The following CMIP variants were observed in gnomAD, a reference collection of about 807,000 sequenced individuals.
The protein encoded by CMIP is C-Maf-inducing protein.
CMIP carries 13 observed loss-of-function variants against 97.3 expected under a neutral mutation model. The observed-to-expected ratio is 0.13, with a 90% CI of 0.09 to 0.21. CMIP has a LOEUF of 0.21. Among genes scored for constraint, CMIP ranks in the 10% least tolerant of loss-of-function variants. The pLI is 1.00. For missense variants in CMIP, 847 were observed against 1,024.9 expected (o/e 0.83, Z 2.37); for synonymous variants, 538 against 436.3 (o/e 1.23, Z -2.91).
At chr16:81,599,001 C>A (rs918749523) in intron 1 of CMIP, among the ~76,000 whole-genome samples, 2 of 145,756 alleles carry the variant, frequency 1.4e-5, no homozygotes, top group African/African-American at 5.2e-5. Flanking sequence ...GAGTAGTAAC[C>A]TTTTGAGGGC....
Position 81,709,936 on chromosome 16 carries a change from GA to G in CMIP, c.*138del. On this transcript the variant is annotated 3_prime_UTR_variant, in exon 21 of 21. Coordinates refer to ENST00000537098, the MANE Select transcript of CMIP (RefSeq NM_198390.3). Reference sequence around the variant, plus strand: ...TAGATGGGGAGTCTTTCTGGGGGCGGAGGGGGGAGGGGGTGGGGAGGGGGCC... The same window carrying G: ...TAGATGGGGAGTCTTTCTGGGGGCGGGGGGGGAGGGGGTGGGGAGGGGGCC... 1.6e-6 allele frequency: 1 copy of G among 617,460 alleles called. No homozygotes were observed. The highest frequency in any genetic ancestry group is 2.9e-6 in the Non-Finnish European group (1 of 347,624). The allele number at this position is 617,460 out of a possible 1,614,324, so 38.2% of individuals were successfully genotyped here. A position where few individuals can be genotyped will look rare whatever the true frequency, so the allele number is the denominator to read the frequency against.
intron 20 of CMIP, among the ~76,000 whole-genome samples, chr16:81,709,526 G>T (rs565957814): frequency 6.6e-6 from 1 of 152,292 alleles, no homozygotes; most frequent in Admixed American, 6.5e-5. Flanking sequence ...GGGGGCATGG[G>T]AACCCCGCTG....
At chr16:81,617,515 A>AT (rs1360309044) in intron 2 of CMIP, 1 of 152,320 alleles carries the variant, frequency 6.6e-6, no homozygotes, top group Non-Finnish European at 1.5e-5. Flanking sequence ...CCTAAGACTC[A>AT]TGAGCCAGGG....
rs186926484 is a variant in CMIP at position 81,537,389 on chromosome 16, G to T, written c.301-70178G>T. ...GTCTCTACTAAAAATACAAAAATTA[G>T]CCAGGCATGGTGGCACGCACCTGTA... On this transcript the variant is annotated intron_variant, in intron 1 of 20. Coordinates refer to ENST00000537098, the MANE Select transcript of CMIP (RefSeq NM_198390.3). 8.6e-3 allele frequency among the ~76,000 whole-genome samples: 1,312 copies of T among 151,770 alleles called. 19 individuals carry two copies. Among genetic ancestry groups the T allele is most frequent in the African/African-American group, 0.03 (1,241 of 41,352 alleles).
chr16:81,502,364 T>C lies in CMIP; in HGVS notation c.300+56823T>C, dbSNP rs76841090. 5.3e-3 allele frequency among the ~76,000 whole-genome samples: 805 copies of C among 152,282 alleles called. 8 individuals carry two copies. Among genetic ancestry groups the C allele is most frequent in the African/African-American group, 0.018 (768 of 41,548 alleles). On this transcript the variant is annotated intron_variant, in intron 1 of 20. Coordinates refer to ENST00000537098, the MANE Select transcript of CMIP (RefSeq NM_198390.3). ...ATTCATAGATTACATGGTCAACTTA[T>C]GTATTGAGTATTCAGGACAATCCTG...
Position 81,667,793 on chromosome 16 carries a change from AGAGAGAGTGT to A in CMIP, c.826-2347_826-2338del, listed in dbSNP as rs1172709783. 2.1e-3 allele frequency among the ~76,000 whole-genome samples: 190 copies of A among 89,528 alleles called. 1 individual carries two copies. The South Asian group carries it at 0.022, about 11-fold the overall frequency. 58.7% of individuals were successfully genotyped at this position (89,528 alleles called of 152,430 possible). On this transcript the variant is annotated intron_variant, in intron 7 of 20. Transcript: ENST00000537098. The stretch of plus-strand genomic sequence containing the variant: ...GAGAGAGAGAGAGAGAGAGAGAGAG[AGAGAGAGTGT>A]GTGTGTGTGTGTGTGTGTGTGTGTG...
chr16:81,496,069 A>G (rs1205643414), intron 1 of CMIP, among the ~76,000 whole-genome samples: 1 of 152,164 alleles, frequency 6.6e-6, no homozygotes, highest in African/African-American at 2.4e-5. Flanking sequence ...GGCTTTGAAG[A>G]TGCTGTGAAT....
intron 1 of CMIP, among the ~76,000 whole-genome samples, chr16:81,513,328 A>T (rs1017710783): frequency 2.0e-5 from 3 of 152,220 alleles, no homozygotes; most frequent in Non-Finnish European, 4.4e-5. Flanking sequence ...CCAAGGTCCC[A>T]GCAAGAGGCT....
At chr16:81,454,956 C>T (rs765358588) in intron 1 of CMIP, among the ~76,000 whole-genome samples, 14 of 152,116 alleles carry the variant, frequency 9.2e-5, no homozygotes, top group East Asian at 5.8e-4. Flanking sequence ...CAGGCCAGAG[C>T]GGCTGGGCAC....
At chr16:81,559,112 T>C (rs59761658) in intron 1 of CMIP, among the ~76,000 whole-genome samples, 3,954 of 152,308 alleles carry the variant, frequency 0.026, 180 homozygotes, top group African/African-American at 0.09. Flanking sequence ...GGCTTCCAGC[T>C]TGTTGGCCTC....
At chr16:81,675,601 A>T (rs1412253505) in intron 9 of CMIP, among the ~76,000 whole-genome samples, 2 of 152,062 alleles carry the variant, frequency 1.3e-5, no homozygotes, top group African/African-American at 4.8e-5. Flanking sequence ...TGGCTGCAAC[A>T]TTTCTGGGGT....
chr16:81,584,748 C>T (rs1567594308), intron 1 of CMIP, among the ~76,000 whole-genome samples: 1 of 152,210 alleles, frequency 6.6e-6, no homozygotes, highest in Non-Finnish European at 1.5e-5. Context: ...ACTTTCTGTT[C>T]TTGAATTGGC....
At chr16:81,604,428 G>A (rs1174225672) in intron 1 of CMIP, among the ~76,000 whole-genome samples, 5 of 149,180 alleles carry the variant, frequency 3.4e-5, no homozygotes, top group African/African-American at 5.0e-5. Context: ...GACCGGCTGC[G>A]GTGGCTTATG....
chr16:81,649,871 C>CCA (rs1207374754), intron 3 of CMIP, among the ~76,000 whole-genome samples: 1 of 152,186 alleles, frequency 6.6e-6, no homozygotes, highest in East Asian at 1.9e-4. Flanking sequence ...CAAACTAAAA[C>CCA]CACAGACTCT....
chr16:81,568,039 GTTTTTTT>G (rs1555531346), intron 1 of CMIP, among the ~76,000 whole-genome samples: 4 of 82,546 alleles, frequency 4.8e-5, no homozygotes, highest in East Asian at 4.1e-4. Flanking sequence ...GTGTGTGTGT[GTTTTTTT>G]TTTTTTTTTT....
chr16:81,680,566 G>T (rs1287191392), intron 10 of CMIP, among the ~76,000 whole-genome samples: 1 of 152,208 alleles, frequency 6.6e-6, no homozygotes, highest in Non-Finnish European at 1.5e-5. Context: ...CCGCCTCGTG[G>T]TCCCAGCAGC....
intron 3 of CMIP, among the ~76,000 whole-genome samples, chr16:81,640,737 C>CGTGTGTGTGTGTGT (rs1567627570): frequency 1.2e-4 from 9 of 76,040 alleles, no homozygotes; most frequent in East Asian, 8.9e-4. Context: ...CTCTCTGGAG[C>CGTGTGTGTGTGTGT]ATGTGTGTGT....
intron 1 of CMIP, chr16:81,495,291 C>T (rs1337124454): frequency 7.0e-7 from 1 of 1,428,046 alleles, no homozygotes; most frequent in Non-Finnish European, 9.2e-7. Context: ...GATGAACCCT[C>T]TGGGGCGGGG....
chr16:81,671,448 T>C (rs539707705), intron 8 of CMIP, among the ~76,000 whole-genome samples: 11 of 152,350 alleles, frequency 7.2e-5, no homozygotes, highest in African/African-American at 2.6e-4. Flanking sequence ...GGTGACTCTA[T>C]GCTAAGCCAA....
Sources: allele counts gnomAD v4.1 joint callset (sites outside exome capture counted in the v4.1 genomes callset), GRCh38; gene constraint gnomAD v4.1.1; transcripts MANE v1.5; gene names NCBI Gene and HGNC (gene_info 2026-07-23, HGNC 2026-07-21).